The following NEBL variants were observed in gnomAD, a reference collection of about 807,000 sequenced individuals.
NEBL encodes the protein nebulette.
A neutral mutation model predicts 140.2 loss-of-function variants in NEBL; 122 were observed. That is an observed-to-expected ratio of 0.87 (90% confidence interval 0.75 to 1.01). The LOEUF (loss-of-function observed/expected upper bound fraction) is 1.01. Among genes scored for constraint, NEBL ranks in the 50% least tolerant of loss-of-function variants. NEBL has a pLI of 0.00. For missense variants in NEBL, 1,365 were observed against 1,231.3 expected, an observed-to-expected ratio of 1.11 and a Z score of -1.62; for synonymous variants, 436 against 398.9, an observed-to-expected ratio of 1.09 and a Z score of -1.11.
At chr10:21,223,424 C>T (rs2132247128) in intron 3 of NEBL, among the ~76,000 whole-genome samples, 1 of 152,248 alleles carries the variant, frequency 6.6e-6, no homozygotes, top group Admixed American at 6.5e-5. Flanking sequence ...TATATATGTA[C>T]CACATTTTCT....
At chr10:21,164,581 A>G (rs1840684705) in intron 2 of NEBL, among the ~76,000 whole-genome samples, 3 of 152,198 alleles carry the variant, frequency 2.0e-5, no homozygotes, top group Admixed American at 2.0e-4. Context: ...ATTCCATAAT[A>G]AATACATCAT....
intron 21 of NEBL, 90 bp downstream of exon 21, chr10:20,817,510 G>A: frequency 1.8e-6 from 2 of 1,105,818 alleles, no homozygotes; most frequent in Non-Finnish European, 2.8e-6. Flanking sequence ...TCAGCTCAAG[G>A]TTATGAAAAT....
At chr10:21,236,645 G>C (rs1842355408) in intron 3 of NEBL, among the ~76,000 whole-genome samples, 1 of 151,962 alleles carries the variant, frequency 6.6e-6, no homozygotes, top group African/African-American at 2.4e-5. Flanking sequence ...CACTGTGCCA[G>C]GCCACTCACC....
At chr10:21,255,960 C>T (rs556465825) in intron 1 of NEBL, among the ~76,000 whole-genome samples, 37 of 145,078 alleles carry the variant, frequency 2.6e-4, no homozygotes, top group Non-Finnish European at 5.1e-4. Context: ...CCAGCCTGGG[C>T]GACAGAGCGA....
chr10:21,090,166 A>G (rs1366968305), intron 2 of NEBL, among the ~76,000 whole-genome samples: 2 of 152,228 alleles, frequency 1.3e-5, no homozygotes, highest in Non-Finnish European at 2.9e-5. Flanking sequence ...CGGTCTTCCC[A>G]GTGAAGTGCT....
chr10:21,245,997 A>G (rs796352303), intron 3 of NEBL, among the ~76,000 whole-genome samples: 1 of 152,158 alleles, frequency 6.6e-6, no homozygotes, highest in Admixed American at 6.6e-5. Flanking sequence ...ACCCAGCCAT[A>G]TATTACTTTT....
chr10:20,858,183 A>G, intron 9 of NEBL, 57 bp downstream of exon 9: 1 of 1,336,994 alleles, frequency 7.5e-7, no homozygotes, highest in South Asian at 1.2e-5. Context: ...CGCTGCAGAC[A>G]TATTGGCTTC....
At chr10:21,153,794 G>A (rs965829029) in intron 2 of NEBL, among the ~76,000 whole-genome samples, 11 of 152,212 alleles carry the variant, frequency 7.2e-5, no homozygotes, top group African/African-American at 2.6e-4. Context: ...GGTTACAGGC[G>A]TGAGCCACCG....
chr10:20,787,412 A>C, intron 26 of NEBL, 104 bp from the exon 27 acceptor site: 1 of 890,756 alleles, frequency 1.1e-6, no homozygotes, highest in Non-Finnish European at 1.8e-6. Flanking sequence ...AAGCTTCTGA[A>C]ACAAAATGCC....
intron 2 of NEBL, among the ~76,000 whole-genome samples, chr10:21,162,724 T>C (rs1840605370): frequency 6.6e-6 from 1 of 152,146 alleles, no homozygotes; most frequent in South Asian, 2.1e-4. Context: ...GCAGGCTCTT[T>C]GATAGGTGAT....
At chr10:21,243,187 T>G (rs2132266214) in intron 3 of NEBL, among the ~76,000 whole-genome samples, 1 of 152,232 alleles carries the variant, frequency 6.6e-6, no homozygotes, top group African/African-American at 2.4e-5. Flanking sequence ...ATTAAAATCA[T>G]GGTAGACATC....
intron 7 of NEBL, among the ~76,000 whole-genome samples, chr10:20,861,243 T>A (rs1049893877): frequency 6.6e-6 from 1 of 152,172 alleles, no homozygotes; most frequent in Admixed American, 6.5e-5. Flanking sequence ...AGTGGCACGA[T>A]CTCAGCTCAC....
At chr10:21,268,398 G>A (rs1842823201) in intron 1 of NEBL, among the ~76,000 whole-genome samples, 1 of 152,152 alleles carries the variant, frequency 6.6e-6, no homozygotes, top group African/African-American at 2.4e-5. Flanking sequence ...CAGGAGGATC[G>A]CCTGAGCCCA....
chr10:21,117,492 T>C (rs952034642), intron 2 of NEBL, among the ~76,000 whole-genome samples: 1 of 152,106 alleles, frequency 6.6e-6, no homozygotes, highest in African/African-American at 2.4e-5. Flanking sequence ...GGCTCTGTTA[T>C]ATGTCTAGGA....
intron 2 of NEBL, among the ~76,000 whole-genome samples, chr10:20,894,294 A>T (rs1847259403): frequency 6.6e-6 from 1 of 151,916 alleles, no homozygotes; most frequent in Non-Finnish European, 1.5e-5. Context: ...ACATAGTGAG[A>T]CTCCATCTCT....
chr10:21,171,687 G>T (rs1841082491), intron 2 of NEBL: 1 of 154,318 alleles, frequency 6.5e-6, no homozygotes, highest in Non-Finnish European at 1.4e-5. Context: ...TTGACACACG[G>T]TGAGCGCGAT....
intron 4 of NEBL, among the ~76,000 whole-genome samples, chr10:20,918,121 G>A (rs747914441): frequency 6.6e-6 from 1 of 152,160 alleles, no homozygotes; most frequent in Non-Finnish European, 1.5e-5. Flanking sequence ...CACTTTGGGA[G>A]GCCAAGGCGG....
In NEBL at chr10:20,864,912, T is replaced by A. The variant is rs565313265; in HGVS notation, c.684+3752A>T. On this transcript the variant is annotated intron_variant, in intron 7 of 27. Coordinates refer to ENST00000377122, the MANE Select transcript of NEBL (RefSeq NM_006393.3). ...TTTATACAGCTTATAAAATCTTATA[T>A]GACATGAAAAAATGAATACGATAGC... 3.9e-5 allele frequency among the ~76,000 whole-genome samples: 6 copies of A among 152,234 alleles called. No individual in the cohort carries two copies. In the South Asian group the frequency reaches 1.0e-3, roughly 26 times the overall value.
At chr10:21,078,763 C>G (rs1836225310) in intron 2 of NEBL, among the ~76,000 whole-genome samples, 1 of 152,214 alleles carries the variant, frequency 6.6e-6, no homozygotes, top group Non-Finnish European at 1.5e-5. Context: ...TATACTTGAT[C>G]TTATTTTTAG....
Sources: gnomAD v4.1 joint callset for allele counts (sites outside exome capture counted in the v4.1 genomes callset) on GRCh38, gnomAD v4.1.1 for gene constraint, MANE v1.5 for transcripts, NCBI Gene and HGNC (gene_info 2026-07-23, HGNC 2026-07-21) for gene names.